The following TTC7A variants were observed in gnomAD, a reference collection of about 807,000 sequenced individuals.
The protein encoded by TTC7A is tetratricopeptide repeat domain 7A, also known as tetratricopeptide repeat protein 7A.
TTC7A carries 110 observed loss-of-function variants against 103.7 expected under a neutral mutation model. That is an observed-to-expected ratio of 1.06 (90% CI 0.91 to 1.24). The LOEUF (loss-of-function observed/expected upper bound fraction) is 1.24. TTC7A is among the 50% of genes most tolerant of loss of function. TTC7A has a pLI of 0.00. For missense variants in TTC7A, 1,340 were observed against 1,116.3 expected (o/e 1.20, Z -2.86); for synonymous variants, 521 against 467.9 (o/e 1.11, Z -1.47).
intron 12 of TTC7A, among the ~76,000 whole-genome samples, chr2:47,022,643 A>G (rs1679418599): frequency 1.3e-5 from 2 of 152,092 alleles, no homozygotes; most frequent in South Asian, 4.2e-4. Context: ...TAATCAGCCC[A>G]TGCCCACCTC....
intron 3 of TTC7A, among the ~76,000 whole-genome samples, chr2:46,964,863 C>A (rs1672702763): frequency 6.6e-6 from 1 of 152,188 alleles, no homozygotes; most frequent in East Asian, 1.9e-4. Context: ...GCCTGGCAGA[C>A]CTTAGTCATT....
chr2:47,028,197 A>C (rs981692417), intron 14 of TTC7A, among the ~76,000 whole-genome samples: 2 of 152,194 alleles, frequency 1.3e-5, no homozygotes, highest in Non-Finnish European at 2.9e-5. Flanking sequence ...AAGTCCAGCT[A>C]TGGGCAGAGA....
At position 47,006,201 on chromosome 2, in the gene TTC7A, G is replaced by C. The variant is rs115423725; in HGVS notation, c.1203+142G>C. 730 of 1,081,948 alleles carry C rather than the reference G, an allele frequency of 6.7e-4. 8 individuals are homozygous for C. The South Asian group carries it at 0.012, about 17-fold the overall frequency. 67.0% of individuals were successfully genotyped at this position (1,081,948 alleles called of 1,614,324 possible). A position where few individuals can be genotyped will look rare whatever the true frequency, so the allele number is the denominator to read the frequency against. On this transcript the variant is annotated intron_variant, in intron 9 of 19. Coordinates refer to ENST00000319190, the MANE Select transcript of TTC7A (RefSeq NM_020458.4). Reference sequence around the variant, plus strand: ...GCTTTGACCTCGGCAAGTTGTACAAGTCTCAGCTTCCTCATTGGTGAAATA... The same window carrying C: ...GCTTTGACCTCGGCAAGTTGTACAACTCTCAGCTTCCTCATTGGTGAAATA...
chr2:46,929,712 T>C (rs999912092), intron 2 of TTC7A, among the ~76,000 whole-genome samples: 1 of 152,064 alleles, frequency 6.6e-6, no homozygotes. Context: ...TGAGATTGAA[T>C]TGCAAAAAGC....
intron 15 of TTC7A, among the ~76,000 whole-genome samples, chr2:47,037,380 G>A (rs1403688189): frequency 6.6e-6 from 1 of 152,242 alleles, no homozygotes; most frequent in East Asian, 1.9e-4. Context: ...TTGGAAGGAA[G>A]AGAACCATGC....
chr2:47,055,426 C>T (rs1266608235), intron 18 of TTC7A, among the ~76,000 whole-genome samples: 1 of 152,164 alleles, frequency 6.6e-6, no homozygotes. Context: ...TGAATGGTAC[C>T]CACTTGAGAG....
rs759012386 is a variant in TTC7A, at chr2:47,029,318, A to G, written c.1736A>G (p.Gln579Arg). 1.9e-6 allele frequency: 3 copies of G among 1,614,128 alleles called. No individual in the cohort carries two copies. Among genetic ancestry groups the G allele is most frequent in the South Asian group, 2.2e-5 (2 of 91,082 alleles). ...LHLLALLFSAQKHHQHALDVV... is the reference protein window; with the variant it reads ...LHLLALLFSARKHHQHALDVV... Reference sequence around the variant, plus strand: ...CTGCTGGCACTGCTCTTCTCTGCCCAGAAGCACCACCAGCATGCCCTGGAT... The same window carrying G: ...CTGCTGGCACTGCTCTTCTCTGCCCGGAAGCACCACCAGCATGCCCTGGAT... Residue 579 changes from glutamine (Q) to arginine (R), a missense_variant, in exon 15 of 20, where the codon CAG becomes CGG. Physicochemically the swap from Gln to Arg is conservative, Grantham distance 43. Transcript: ENST00000319190.
rs1684832971 is a variant in TTC7A at position 47,072,432 on chromosome 2, T to C, written c.2356-1270T>C. Among the ~76,000 whole-genome samples the C allele has an allele frequency of 3.3e-5, 5 of 152,270 alleles. No individual in the cohort carries two copies. In the South Asian group the frequency reaches 1.0e-3, roughly 32 times the overall value. ...CCTAGGGCTTCCTGAGCGCCATCTTTCACTCCCACCGAACTGGTTGTGTTC... is the reference window on the plus strand; with the variant it reads ...CCTAGGGCTTCCTGAGCGCCATCTTCCACTCCCACCGAACTGGTTGTGTTC... On this transcript the variant is annotated intron_variant, in intron 19 of 19. Coordinates refer to ENST00000319190, the MANE Select transcript of TTC7A (RefSeq NM_020458.4).
chr2:46,959,857 G>C (rs184864615), intron 3 of TTC7A, among the ~76,000 whole-genome samples: 1 of 152,286 alleles, frequency 6.6e-6, no homozygotes, highest in African/African-American at 2.4e-5. Context: ...CATCACATGC[G>C]TATTTGTGTA....
chr2:47,006,945 G>A (rs889116028), intron 10 of TTC7A, among the ~76,000 whole-genome samples: 1 of 152,214 alleles, frequency 6.6e-6, no homozygotes, highest in African/African-American at 2.4e-5. Flanking sequence ...GTGTGAGTCT[G>A]TGGATGCTTT....
At chr2:46,949,271 T>A (rs967817556) in intron 1 of TTC7A, among the ~76,000 whole-genome samples, 1 of 152,234 alleles carries the variant, frequency 6.6e-6, no homozygotes, top group Non-Finnish European at 1.5e-5. Flanking sequence ...AATCTCACTT[T>A]GTTGCCCAGG....
Position 47,030,819 on chromosome 2 carries a change from C to T in TTC7A, c.1802+1435C>T. On this transcript the variant is annotated intron_variant, in intron 15 of 19. Transcript: ENST00000319190. The stretch of plus-strand genomic sequence containing the variant: ...CCTGTCTTTTATGTTCGTGGCCGGC[C>T]CTGATTCTGAGCCTTGCCTCAGCAG... Among the ~76,000 whole-genome samples, 2 of 152,270 alleles carry T rather than the reference C, an allele frequency of 1.3e-5. 1 individual carries two copies. Among genetic ancestry groups the T allele is most frequent in the South Asian group, 4.1e-4 (2 of 4,824 alleles).
At chr2:47,070,637 G>C (rs531466086) in intron 19 of TTC7A, among the ~76,000 whole-genome samples, 9 of 152,176 alleles carry the variant, frequency 5.9e-5, no homozygotes, top group Admixed American at 2.0e-4. Flanking sequence ...CTCAGGGAAG[G>C]CTTCCTGGGA....
At chr2:47,032,326 T>A (rs1651640136) in intron 15 of TTC7A, among the ~76,000 whole-genome samples, 1 of 152,216 alleles carries the variant, frequency 6.6e-6, no homozygotes, top group South Asian at 2.1e-4. Context: ...CAGACTGTGC[T>A]GGTTGTCAAT....
intron 15 of TTC7A, among the ~76,000 whole-genome samples, chr2:47,032,860 A>G (rs1390534119): frequency 2.6e-5 from 1 of 39,166 alleles, no homozygotes; most frequent in Non-Finnish European, 4.1e-5. Flanking sequence ...TGTTTTAAGC[A>G]AAAAAAAAAA....
At chr2:46,986,489 C>T (rs930741855) in intron 5 of TTC7A, among the ~76,000 whole-genome samples, 5 of 149,484 alleles carry the variant, frequency 3.3e-5, no homozygotes, top group Non-Finnish European at 5.9e-5. Flanking sequence ...GTGGTGGAGA[C>T]GGTCAGGCAG....
At chr2:46,920,459 T>A (rs902301386) in intron 2 of TTC7A, among the ~76,000 whole-genome samples, 10 of 151,976 alleles carry the variant, frequency 6.6e-5, no homozygotes, top group African/African-American at 2.2e-4. Context: ...CCTCCCAAGT[T>A]GCTGGGATTA....
chr2:46,983,833 C>T (rs1674731149), intron 5 of TTC7A, among the ~76,000 whole-genome samples: 1 of 152,224 alleles, frequency 6.6e-6, no homozygotes, highest in Non-Finnish European at 1.5e-5. Context: ...CCCTGCACTA[C>T]AGAGGTTAAG....
At chr2:47,006,539 T>C in intron 9 of TTC7A, 102 bp from the exon 10 acceptor site, 1 of 1,045,304 alleles carries the variant, frequency 9.6e-7, no homozygotes, top group Non-Finnish European at 1.5e-6. Flanking sequence ...TCCTGCAGCC[T>C]CCCAAAAGCG....
Sources: allele counts gnomAD v4.1 joint callset (sites outside exome capture counted in the v4.1 genomes callset), GRCh38; gene constraint gnomAD v4.1.1; transcripts MANE v1.5; gene names NCBI Gene and HGNC (gene_info 2026-07-23, HGNC 2026-07-21).